The following SAMHD1 variants were observed in gnomAD, a reference collection of about 807,000 sequenced individuals.
SAMHD1 encodes the protein deoxynucleoside triphosphate triphosphohydrolase SAMHD1.
Under a neutral mutation model 79.6 loss-of-function variants are expected in SAMHD1, and 54 were observed. The ratio of observed to expected loss-of-function variants is 0.68; its 90% confidence interval spans 0.55 to 0.85. The LOEUF is 0.85. Ranked by LOEUF, SAMHD1 falls within the 40% of genes least tolerant of loss-of-function variation. The pLI, the probability that SAMHD1 is intolerant of heterozygous loss-of-function variation, is 0.00. For synonymous variants in SAMHD1, 260 were observed against 264.1 expected (o/e 0.98, Z 0.15); for missense variants, 663 against 782.7 (o/e 0.85, Z 1.82).
chr20:36,917,675 A>C (rs1259690969), intron 7 of SAMHD1, among the ~76,000 whole-genome samples: 2 of 152,108 alleles, frequency 1.3e-5, no homozygotes, highest in Non-Finnish European at 2.9e-5. Flanking sequence ...AAATAATATA[A>C]AATCTAATAA....
At chr20:36,897,673 TAAAAGGAAAGAA>T in intron 15 of SAMHD1, 137 bp downstream of exon 15, 1 of 873,324 alleles carries the variant, frequency 1.1e-6, no homozygotes, top group Non-Finnish European at 1.8e-6. Context: ...TCAGACATTT[TAAAAGGAAAGAA>T]AGTGAAAGAC....
chr20:36,909,665 C>G (rs1245670236), intron 11 of SAMHD1, among the ~76,000 whole-genome samples: 2 of 130,584 alleles, frequency 1.5e-5, no homozygotes, highest in Admixed American at 1.6e-4. Context: ...GAGCAAAACT[C>G]TGTCCACCCC....
intron 6 of SAMHD1, among the ~76,000 whole-genome samples, chr20:36,926,800 G>A (rs1055174893): frequency 6.6e-6 from 1 of 152,144 alleles, no homozygotes; most frequent in Non-Finnish European, 1.5e-5. Context: ...AAGTTAGTTC[G>A]TGGTCATACC....
intron 7 of SAMHD1, 137 bp from the exon 8 acceptor site, chr20:36,917,186 A>G (rs1026108369): frequency 1.5e-6 from 1 of 674,234 alleles, no homozygotes; most frequent in Non-Finnish European, 2.7e-6. Context: ...AGAAGGTTCT[A>G]TTCTTTCTTT....
chr20:36,937,931 C>A (rs1218197675), intron 3 of SAMHD1, among the ~76,000 whole-genome samples: 1 of 149,010 alleles, frequency 6.7e-6, no homozygotes, highest in African/African-American at 2.5e-5. Flanking sequence ...GATCATGGCT[C>A]ACTGAAGCCT....
intron 5 of SAMHD1, among the ~76,000 whole-genome samples, chr20:36,927,902 C>T (rs2063546124): frequency 6.6e-6 from 1 of 152,146 alleles, no homozygotes; most frequent in African/African-American, 2.4e-5. Context: ...TCATTATGCA[C>T]TGCAGCCTTG....
In SAMHD1 at chr20:36,897,852, C is replaced by G. The variant is rs1005242982; in HGVS notation, c.1716G>C (p.Trp572Cys). 4 of 1,614,112 alleles carry G rather than the reference C, an allele frequency of 2.5e-6. No homozygotes were observed. In the African/African-American group the frequency reaches 5.3e-5, roughly 22 times the overall value. The part of the protein sequence containing the change: ...LYAARQYFVQ[W>C]CADRNFTKPQ... ...GCTTGGTGAAATTTCTGTCTGCACA[C>G]CACTGAACAAAATATTGTCTTGCGG... The change falls in exon 15 of 16, where the codon TGG becomes TGC. Residue 572 changes from tryptophan (W) to cysteine (C), a missense_variant. Trp to Cys is a radical substitution (Grantham distance 215, BLOSUM62 -2). Coordinates refer to ENST00000646673, the MANE Select transcript of SAMHD1 (RefSeq NM_015474.4).
rs777284408 is a variant in SAMHD1, at chr20:36,916,170, AAG to A, written c.1062+550_1062+551del. Among the ~76,000 whole-genome samples the A allele has an allele frequency of 1.1e-4, 17 of 152,238 alleles. No homozygotes were observed. The East Asian group carries it at 2.9e-3, about 26-fold the overall frequency. On this transcript the variant is annotated intron_variant, in intron 9 of 15. Transcript: ENST00000646673. ...AGCGAGACTCCGTCTCAAAAAAAAAAAGAGAGAGACTCTGGAACCAAACTTTT... is the reference window on the plus strand; with the variant it reads ...AGCGAGACTCCGTCTCAAAAAAAAAAAGAGAGACTCTGGAACCAAACTTTT...
Position 36,934,517 on chromosome 20 carries a change from CAAAAAAAAAAAAAA to C in SAMHD1, c.509+498_509+511del, listed in dbSNP as rs35696057. 118 of 54,014 alleles carry C rather than the reference CAAAAAAAAAAAAAA, an allele frequency of 2.2e-3. 1 individual carries two copies. The highest frequency in any genetic ancestry group is 4.4e-3 in the Admixed American group (14 of 3,202). The allele number at this position is 54,014 out of a possible 1,614,324, so 3.3% of individuals were successfully genotyped here. A position where few individuals can be genotyped will look rare whatever the true frequency, so the allele number is the denominator to read the frequency against. On this transcript the variant is annotated intron_variant, in intron 4 of 15. Coordinates refer to ENST00000646673, the MANE Select transcript of SAMHD1 (RefSeq NM_015474.4). ...CAGCCTAGTGAAAGAGACTCTGTCT[CAAAAAAAAAAAAAA>C]AAAAAAAAAAAAAGCCTCAATTTTC...
At chr20:36,911,867 A>G (rs1391552122) in intron 10 of SAMHD1, 1 of 175,744 alleles carries the variant, frequency 5.7e-6, no homozygotes, top group African/African-American at 2.4e-5. Flanking sequence ...AGGCTATTTT[A>G]GAGACATGGA....
intron 1 of SAMHD1, among the ~76,000 whole-genome samples, chr20:36,948,568 A>G (rs1351522546): frequency 6.6e-6 from 1 of 150,872 alleles, no homozygotes; most frequent in African/African-American, 2.4e-5. Flanking sequence ...AAACTTTATT[A>G]GAAAGAAAGA....
At chr20:36,927,442 C>T (rs950834878) in intron 5 of SAMHD1, among the ~76,000 whole-genome samples, 190 bp from the exon 6 acceptor site, 4 of 151,666 alleles carry the variant, frequency 2.6e-5, no homozygotes, top group East Asian at 1.9e-4. Flanking sequence ...CTCAGGCTAC[C>T]GAGTAGCTGG....
intron 1 of SAMHD1, chr20:36,947,198 T>C: frequency 4.1e-6 from 1 of 244,526 alleles, no homozygotes; most frequent in Non-Finnish European, 8.1e-6. Flanking sequence ...GAAGGAAACC[T>C]AAGTCTATTG....
intron 13 of SAMHD1, among the ~76,000 whole-genome samples, chr20:36,900,301 A>G (rs1449122210): frequency 6.6e-6 from 1 of 151,984 alleles, no homozygotes; most frequent in Non-Finnish European, 1.5e-5. Context: ...GCTGGACTGC[A>G]GTGGCACAAT....
intron 15 of SAMHD1, chr20:36,893,323 GC>G (rs1568756788): frequency 3.7e-6 from 2 of 543,738 alleles, no homozygotes; most frequent in African/African-American, 3.8e-5. Context: ...GCATACCACT[GC>G]CCACCTCTAT....
chr20:36,950,823 G>A (rs2146159446), intron 1 of SAMHD1, among the ~76,000 whole-genome samples: 1 of 152,316 alleles, frequency 6.6e-6, no homozygotes, highest in African/African-American at 2.4e-5. Context: ...TGGGAATTCA[G>A]AGATTAACCA....
intron 13 of SAMHD1, among the ~76,000 whole-genome samples, chr20:36,900,613 C>A (rs1990286364): frequency 6.6e-6 from 1 of 150,860 alleles, no homozygotes; most frequent in Admixed American, 6.6e-5. Context: ...TGTCGCCAGG[C>A]TGGAATGCAG....
At chr20:36,904,004 T>G in intron 13 of SAMHD1, 153 bp downstream of exon 13, 1 of 623,774 alleles carries the variant, frequency 1.6e-6, no homozygotes, top group Non-Finnish European at 2.9e-6. Flanking sequence ...ACAAAATGTT[T>G]TTGTGGTTAA....
chr20:36,913,680 T>G (rs1950978684), intron 9 of SAMHD1, among the ~76,000 whole-genome samples: 1 of 151,372 alleles, frequency 6.6e-6, no homozygotes, highest in Non-Finnish European at 1.5e-5. Context: ...CATCTTAAAT[T>G]AAATATATAT....
Sources: gnomAD v4.1 joint callset for allele counts (sites outside exome capture counted in the v4.1 genomes callset) on GRCh38, gnomAD v4.1.1 for gene constraint, MANE v1.5 for transcripts, NCBI Gene and HGNC (gene_info 2026-07-23, HGNC 2026-07-21) for gene names.